Variants in C14orf93 observed in about 807,000 individuals in gnomAD.
C14orf93 encodes uncharacterized protein C14orf93.
C14orf93 carries 23 observed loss-of-function variants against 44.0 expected under a neutral mutation model. That is an observed-to-expected ratio of 0.52 (90% CI 0.38 to 0.74). C14orf93 has a LOEUF of 0.74. Ranked by LOEUF, C14orf93 falls within the 30% of genes least tolerant of loss-of-function variation. The pLI, the probability that C14orf93 is intolerant of heterozygous loss-of-function variation, is 0.00. For missense variants in C14orf93, 579 were observed against 678.9 expected (o/e 0.85, Z 1.64); for synonymous variants, 253 against 265.7 (o/e 0.95, Z 0.46).
At chr14:22,997,403 G>A (rs1232110164) in intron 2 of C14orf93, among the ~76,000 whole-genome samples, 1 of 152,138 alleles carries the variant, frequency 6.6e-6, no homozygotes, top group African/African-American at 2.4e-5. Context: ...ACTCTTTACT[G>A]GGTGTCTATG....
chr14:22,998,376 A>G (rs568955454), intron 2 of C14orf93, 51 bp downstream of exon 2: 1 of 1,448,796 alleles, frequency 6.9e-7, no homozygotes, highest in East Asian at 2.5e-5. Context: ...AAAAAGAGTG[A>G]AAAGCCAGGA....
At position 22,987,831 on chromosome 14, in the gene C14orf93, T is replaced by A; in HGVS notation, c.1197+72A>T. On this transcript the variant is annotated intron_variant, in intron 6 of 6. Transcript: ENST00000299088. The surrounding 1 kb of genome is among the most constrained non-coding windows in gnomAD (Gnocchi z 5.6). ...CTCTCAACCCTATTCTCATATGCCATGTCCTCTGGCCCTTCCCACTTAGGA... is the reference window on the plus strand; with the variant it reads ...CTCTCAACCCTATTCTCATATGCCAAGTCCTCTGGCCCTTCCCACTTAGGA... The A allele has an allele frequency of 7.5e-7, 1 of 1,332,974 alleles. No homozygotes were observed. 82.6% of individuals were successfully genotyped at this position (1,332,974 alleles called of 1,614,324 possible). A position where few individuals can be genotyped will look rare whatever the true frequency, so the allele number is the denominator to read the frequency against.
At chr14:23,007,460 C>CTT in intron 1 of C14orf93, among the ~76,000 whole-genome samples, 1 of 152,330 alleles carries the variant, frequency 6.6e-6, no homozygotes, top group Middle Eastern at 3.4e-3. Flanking sequence ...TGGTGGCCGA[C>CTT]TTTTAGTTAC....
intron 3 of C14orf93, among the ~76,000 whole-genome samples, chr14:22,993,433 C>A (rs904422947): frequency 6.6e-6 from 1 of 152,084 alleles, no homozygotes; most frequent in African/African-American, 2.4e-5. Context: ...TAAAAAGGAC[C>A]ATTATTATAC....
rs765164391 is a variant in C14orf93 at position 22,989,837 on chromosome 14, G to T, written c.989C>A (p.Ser330Tyr). ...KRFNGSESIK[S>Y]SWNISVVKFL... ...CTTCACTACTGAAATATTCCAAGAG[G>T]ACTTGATGCTGCCACAAAGAGAAGA... Residue 330 changes from serine (S) to tyrosine (Y), a missense_variant, in exon 5 of 7, where the codon TCC (serine) becomes TAC (tyrosine). By Grantham distance (144) the Ser-to-Tyr change is moderately radical. Coordinates refer to ENST00000299088, the MANE Select transcript of C14orf93 (RefSeq NM_021944.4). The T allele has an allele frequency of 6.2e-7, 1 of 1,613,618 alleles. No individual in the cohort carries two copies. The highest frequency in any genetic ancestry group is 1.1e-5 in the South Asian group (1 of 91,056).
At chr14:23,008,855 C>G (rs900395333) in intron 1 of C14orf93, among the ~76,000 whole-genome samples, 1 of 152,236 alleles carries the variant, frequency 6.6e-6, no homozygotes, top group Non-Finnish European at 1.5e-5. Flanking sequence ...TTTGCATCCT[C>G]TTGGCTCCCC....
Position 22,998,623 on chromosome 14 carries a change from G to A in C14orf93, c.401C>T (p.Ala134Val), listed in dbSNP as rs759432044. The A allele has an allele frequency of 2.5e-6, 4 of 1,613,944 alleles. No homozygotes were observed. Among genetic ancestry groups the A allele is most frequent in the Non-Finnish European group, 3.4e-6 (4 of 1,179,926 alleles). The part of the protein sequence containing the change: ...PGPLKESPGE[A>V]FKALSAVEEE... ...TTCCACGGCAGACAGAGCCTTAAAGGCTTCCCCGGGACTTTCCTTGAGAGG... is the reference window on the plus strand; with the variant it reads ...TTCCACGGCAGACAGAGCCTTAAAGACTTCCCCGGGACTTTCCTTGAGAGG... Residue 134 changes from alanine to valine, a missense_variant, in exon 2 of 7, where the codon GCC (alanine) becomes GTC (valine). Ala to Val is a moderately conservative substitution (Grantham distance 64, BLOSUM62 0). Transcript: ENST00000299088.
chr14:22,998,990 G>C lies in C14orf93; in HGVS notation c.34C>G (p.Pro12Ala). The C allele has an allele frequency of 3.1e-6, 5 of 1,612,666 alleles. No homozygotes were observed. Among genetic ancestry groups the C allele is most frequent in the Non-Finnish European group, 4.2e-6 (5 of 1,179,850 alleles). ...CAGCATCTGGCCTCGCTGCCACTGG[G>C]AGGGGAGAAGAGAATGGTGGCACTG... The part of the protein sequence containing the change: ...SFSATILFSP[P>A]SGSEARCCCC... The change falls in exon 2 of 7, where the codon CCC (proline) becomes GCC (alanine). Residue 12 changes from proline to alanine, a missense_variant. Physicochemically the swap from Pro to Ala is conservative, Grantham distance 27. Transcript: ENST00000299088.
Position 22,996,344 on chromosome 14 carries a change from A to C in C14orf93, c.598-76T>G. 7.1e-7 allele frequency: 1 copy of C among 1,401,014 alleles called. No individual in the cohort carries two copies. Among genetic ancestry groups the C allele is most frequent in the Non-Finnish European group, 9.6e-7 (1 of 1,039,530 alleles). The allele number at this position is 1,401,014 out of a possible 1,614,324, so 86.8% of individuals were successfully genotyped here. A position where few individuals can be genotyped will look rare whatever the true frequency, so the allele number is the denominator to read the frequency against. ...CTGGTTAACCATCATTCTTTGGCTA[A>C]GAATAGTGAACAGAAAGTGGAAAGA... is the stretch of plus-strand genomic sequence containing the variant. On this transcript the variant is annotated intron_variant, in intron 2 of 6. Coordinates refer to ENST00000299088, the MANE Select transcript of C14orf93 (RefSeq NM_021944.4). This position sits in a 1 kb window ranked among gnomAD's most constrained non-coding sequence, Gnocchi z 4.1.
chr14:22,999,083 C>T lies in C14orf93; in HGVS notation c.-60G>A. 1 of 1,534,634 alleles carries T rather than the reference C, an allele frequency of 6.5e-7. No homozygotes were observed. The highest frequency in any genetic ancestry group is 8.7e-7 in the Non-Finnish European group (1 of 1,144,806). ...CTGGGCCGCTCCAACAGGTAGGAAG[C>T]ATCAACTTCTCTGGACTCACTTTCC... On this transcript the variant is annotated 5_prime_UTR_variant, in exon 2 of 7. The change abolishes an upstream ATG in the 5' untranslated region. Coordinates refer to ENST00000299088, the MANE Select transcript of C14orf93 (RefSeq NM_021944.4).
intron 5 of C14orf93, among the ~76,000 whole-genome samples, chr14:22,988,575 C>T (rs11622528): frequency 0.14 from 21,279 of 152,184 alleles, 1,747 homozygotes; most frequent in Admixed American, 0.19. Flanking sequence ...GTCATGCATG[C>T]TCACTGCAGC....
At chr14:22,989,212 C>T (rs567168222) in intron 5 of C14orf93, among the ~76,000 whole-genome samples, 15 of 152,294 alleles carry the variant, frequency 9.8e-5, no homozygotes, top group Admixed American at 5.9e-4. Flanking sequence ...ATGCTAGTCT[C>T]GAACTCCTGG....
At chr14:23,006,850 G>C (rs1052829302) in intron 1 of C14orf93, 1 of 152,460 alleles carries the variant, frequency 6.6e-6, no homozygotes, top group South Asian at 2.1e-4. Context: ...AGTGCGCTCT[G>C]GGAGTCCCGG....
intron 1 of C14orf93, among the ~76,000 whole-genome samples, chr14:23,001,487 C>T (rs569508354): frequency 1.8e-4 from 28 of 152,142 alleles, no homozygotes; most frequent in Non-Finnish European, 3.1e-4. Context: ...TTTTTTGAGA[C>T]GGAGTCTCGC....
chr14:23,007,633 C>G (rs2046694708), intron 1 of C14orf93, among the ~76,000 whole-genome samples: 1 of 152,070 alleles, frequency 6.6e-6, no homozygotes. Context: ...TATATATGTG[C>G]GAGGAATTCT....
intron 1 of C14orf93, chr14:23,006,684 T>C (rs896314396): frequency 2.6e-5 from 4 of 152,202 alleles, no homozygotes; most frequent in African/African-American, 9.7e-5. Flanking sequence ...TAGTCAAGGA[T>C]GACAAGGTGG....
chr14:22,996,253 C>A lies in C14orf93; in HGVS notation c.613G>T (p.Val205Leu). The A allele has an allele frequency of 6.4e-7, 1 of 1,552,344 alleles. No homozygotes were observed. The highest frequency in any genetic ancestry group is 8.7e-7 in the Non-Finnish European group (1 of 1,144,334). Residue 205 changes from valine to leucine, a missense_variant, in exon 3 of 7, where the codon GTG becomes TTG. By Grantham distance (32) the Val-to-Leu change is conservative. Coordinates refer to ENST00000299088, the MANE Select transcript of C14orf93 (RefSeq NM_021944.4). This position sits in a 1 kb window ranked among gnomAD's most constrained non-coding sequence, Gnocchi z 4.1. ...CGCTGTACTGCACCCTCAGAGGCCA[C>A]GTAATCATCCACCAGCTAAGAACAT... ...PLLNPLVDDY[V>L]ASEGAVQRVL... is the part of the protein sequence containing the mutation.
At chr14:22,990,585 TC>T (rs2045546219) in intron 3 of C14orf93, among the ~76,000 whole-genome samples, 1 of 151,270 alleles carries the variant, frequency 6.6e-6, no homozygotes, top group Non-Finnish European at 1.5e-5. Context: ...TTCTCCCGCC[TC>T]AGCCTCTCGA....
chr14:22,996,039 A>C lies in C14orf93; in HGVS notation c.827T>G (p.Leu276Arg). 2 of 1,614,150 alleles carry C rather than the reference A, an allele frequency of 1.2e-6. No homozygotes were observed. Among genetic ancestry groups the C allele is most frequent in the Non-Finnish European group, 1.7e-6 (2 of 1,180,018 alleles). Reference protein sequence around the residue: ...EESGPGSTGELRHSLGLTVSP... With the variant: ...EESGPGSTGERRHSLGLTVSP... ...AACGGTCAGCCCTAGAGAGTGTCTC[A>C]GCTCCCCAGTGCTCCCAGGGCCTGA... is the stretch of plus-strand genomic sequence containing the variant. The change falls in exon 3 of 7, where the codon CTG (leucine) becomes CGG (arginine). Residue 276 changes from leucine (L) to arginine (R), a missense_variant. Physicochemically the swap from Leu to Arg is moderately radical, Grantham distance 102. Coordinates refer to ENST00000299088, the MANE Select transcript of C14orf93 (RefSeq NM_021944.4). The surrounding 1 kb of genome is among the most constrained non-coding windows in gnomAD (Gnocchi z 4.1).
Sources: gnomAD v4.1 joint callset for allele counts (sites outside exome capture counted in the v4.1 genomes callset) on GRCh38, gnomAD v4.1.1 for gene constraint, Gnocchi (gnomAD v3.1) non-coding constraint, MANE v1.5 for transcripts, NCBI Gene and HGNC (gene_info 2026-07-23, HGNC 2026-07-21) for gene names.